ADAMTSL1: variants seen among roughly 807,000 people sequenced by gnomAD.
ADAMTSL1 encodes the protein ADAMTS-like protein 1.
A neutral mutation model predicts 201.8 loss-of-function variants in ADAMTSL1; 126 were observed. That is an observed-to-expected ratio of 0.62 (90% confidence interval 0.54 to 0.72). ADAMTSL1 has a LOEUF of 0.72. Among genes scored for constraint, ADAMTSL1 ranks in the 30% least tolerant of loss-of-function variants. The pLI, the probability that ADAMTSL1 is intolerant of heterozygous loss-of-function variation, is 0.00. For missense variants in ADAMTSL1, 2,679 were observed against 2,277.8 expected (o/e 1.18, Z -3.59); for synonymous variants, 1,121 against 903.4 (o/e 1.24, Z -4.32).
chr9:18,420,886 G>A (rs1045674234), intron 2 of ADAMTSL1, among the ~76,000 whole-genome samples: 1 of 152,190 alleles, frequency 6.6e-6, no homozygotes, highest in African/African-American at 2.4e-5. Context: ...GCTCCCAGTT[G>A]AGTAGAAAAT....
intron 3 of ADAMTSL1, among the ~76,000 whole-genome samples, chr9:18,570,190 G>T (rs923383995): frequency 6.7e-6 from 1 of 150,038 alleles, no homozygotes; most frequent in African/African-American, 2.5e-5. Flanking sequence ...GACTTGCCTG[G>T]AGAATGAAGG....
chr9:17,926,864 A>G (rs1216981518), intron 1 of ADAMTSL1, among the ~76,000 whole-genome samples: 3 of 152,154 alleles, frequency 2.0e-5, no homozygotes, highest in Non-Finnish European at 4.4e-5. Context: ...AATTTTCTTT[A>G]TCTTACCCAT....
At chr9:18,151,500 T>C (rs1328705110) in intron 1 of ADAMTSL1, among the ~76,000 whole-genome samples, 3 of 151,560 alleles carry the variant, frequency 2.0e-5, no homozygotes, top group Non-Finnish European at 4.4e-5. Context: ...CTGTATTTGA[T>C]TATTTGAAGT....
chr9:18,160,639 G>T (rs1268843017), intron 1 of ADAMTSL1, among the ~76,000 whole-genome samples: 1 of 151,424 alleles, frequency 6.6e-6, no homozygotes, highest in Non-Finnish European at 1.5e-5. Context: ...GTCTGAGCAT[G>T]GGAAATACAA....
At chr9:18,336,227 T>A (rs1835235995) in intron 2 of ADAMTSL1, among the ~76,000 whole-genome samples, 1 of 152,112 alleles carries the variant, frequency 6.6e-6, no homozygotes, top group African/African-American at 2.4e-5. Flanking sequence ...CATTGTTTTG[T>A]CTATAAGACA....
intron 1 of ADAMTSL1, among the ~76,000 whole-genome samples, chr9:18,162,306 A>G (rs1827426185): frequency 6.6e-6 from 1 of 151,880 alleles, no homozygotes. Context: ...CTTCTCCCTC[A>G]GCCTGGAGAA....
intron 2 of ADAMTSL1, among the ~76,000 whole-genome samples, chr9:18,283,916 T>TAAAAAAAAAAAAAAAAAAAAA (rs71333034): frequency 6.8e-4 from 18 of 26,390 alleles, no homozygotes; most frequent in African/African-American, 1.3e-3. Context: ...AGACTCCGTC[T>TAAAAAAAAAAAAAAAAAAAAA]AAAAAAAAAA....
At chr9:18,505,134 C>A (rs757950246) in intron 2 of ADAMTSL1, among the ~76,000 whole-genome samples, 178 bp downstream of exon 2, 9 of 152,210 alleles carry the variant, frequency 5.9e-5, no homozygotes, top group Admixed American at 3.9e-4. Context: ...TATTTGTGTT[C>A]TTACGTCCAT....
intron 21 of ADAMTSL1, among the ~76,000 whole-genome samples, chr9:18,823,434 TAGAC>T (rs1439937177): frequency 6.6e-6 from 1 of 152,248 alleles, no homozygotes; most frequent in East Asian, 1.9e-4. Flanking sequence ...CGGCATGAGA[TAGAC>T]AGACATCAAG....
intron 2 of ADAMTSL1, among the ~76,000 whole-genome samples, chr9:18,447,811 C>G (rs1380682210): frequency 6.6e-6 from 1 of 152,216 alleles, no homozygotes; most frequent in Non-Finnish European, 1.5e-5. Flanking sequence ...ATGCATGCCC[C>G]TCAGGGGCCT....
intron 17 of ADAMTSL1, among the ~76,000 whole-genome samples, chr9:18,771,445 C>G (rs1027815171): frequency 6.6e-6 from 1 of 152,194 alleles, no homozygotes; most frequent in Non-Finnish European, 1.5e-5. Context: ...TCTCCTAATT[C>G]TAGCGTACGC....
At chr9:17,949,029 G>GT (rs1430251448) in intron 1 of ADAMTSL1, among the ~76,000 whole-genome samples, 5 of 152,156 alleles carry the variant, frequency 3.3e-5, no homozygotes, top group Admixed American at 3.3e-4. Flanking sequence ...TTATCCCACT[G>GT]TAAGAGGGAT....
intron 1 of ADAMTSL1, among the ~76,000 whole-genome samples, chr9:18,150,495 CT>C (rs1183397871): frequency 6.6e-6 from 1 of 152,010 alleles, no homozygotes; most frequent in Non-Finnish European, 1.5e-5. Context: ...GTCAGAGTTT[CT>C]GTTTGCTGAG....
At chr9:18,884,553 G>A (rs1588304132) in intron 23 of ADAMTSL1, among the ~76,000 whole-genome samples, 1 of 151,954 alleles carries the variant, frequency 6.6e-6, no homozygotes, top group Non-Finnish European at 1.5e-5. Flanking sequence ...CAGCTCTTAG[G>A]TTTAGGTCTT....
Position 18,164,382 on chromosome 9 carries a change from C to T in ADAMTSL1, c.207+401C>T, listed in dbSNP as rs183110070. 2.2e-3 allele frequency among the ~76,000 whole-genome samples: 340 copies of T among 151,850 alleles called. 1 individual carries two copies. Among genetic ancestry groups the T allele is most frequent in the Admixed American group, 8.9e-3 (136 of 15,208 alleles). On this transcript the variant is annotated intron_variant, in intron 2 of 29. Coordinates refer to the ADAMTSL1 transcript ENST00000680146. ...TTCCACTGTCTTCCAATCCTGGCTT[C>T]TTTGTAGATATTCTTACTTCAAAGT...
At position 18,646,487 on chromosome 9, in the gene ADAMTSL1, C is replaced by T. The variant is rs867572961; in HGVS notation, c.834+7076C>T. 5.4e-4 allele frequency among the ~76,000 whole-genome samples: 82 copies of T among 151,164 alleles called. 1 individual carries two copies. Among genetic ancestry groups the T allele is most frequent in the African/African-American group, 1.4e-3 (56 of 40,998 alleles). ...TGTGCCAGTTTTCAAAGGGAATGCT[C>T]CCAGTTTTTGCCCATTCAGTATGAT... On this transcript the variant is annotated intron_variant, in intron 7 of 28. Coordinates refer to ENST00000380548, the MANE Select transcript of ADAMTSL1 (RefSeq NM_001040272.6).
At chr9:18,794,641 TGTTG>T (rs1563806926) in intron 19 of ADAMTSL1, among the ~76,000 whole-genome samples, 4 of 150,304 alleles carry the variant, frequency 2.7e-5, no homozygotes, top group Non-Finnish European at 4.4e-5. Flanking sequence ...TTTTTGTTGT[TGTTG>T]TTTTTTGAGA....
At chr9:18,315,408 C>G (rs1328585879) in intron 2 of ADAMTSL1, among the ~76,000 whole-genome samples, 3 of 151,886 alleles carry the variant, frequency 2.0e-5, no homozygotes, top group Middle Eastern at 3.4e-3. Flanking sequence ...CAGGGAGGCT[C>G]GGGCCGTGTG....
chr9:18,098,213 T>G (rs907165402), intron 1 of ADAMTSL1, among the ~76,000 whole-genome samples: 4 of 152,120 alleles, frequency 2.6e-5, no homozygotes, highest in Non-Finnish European at 5.9e-5. Context: ...TAATACAACT[T>G]TGTAATAAGT....
Sources: gnomAD v4.1 joint callset for allele counts (sites outside exome capture counted in the v4.1 genomes callset) on GRCh38, gnomAD v4.1.1 for gene constraint, MANE v1.5 for transcripts, NCBI Gene and HGNC (gene_info 2026-07-23, HGNC 2026-07-21) for gene names.